ADAMTS10: variants seen among roughly 807,000 people sequenced by gnomAD.
The protein encoded by ADAMTS10 is ADAM metallopeptidase with thrombospondin type 1 motif 10.
In ADAMTS10, 48 loss-of-function variants were observed where a neutral mutation model predicts 135.9. That is an observed-to-expected ratio of 0.35 (90% confidence interval 0.28 to 0.45). The LOEUF is 0.45. Among genes scored for constraint, ADAMTS10 ranks in the 20% least tolerant of loss-of-function variants. The pLI is 1.00. For missense variants in ADAMTS10, 1,131 were observed against 1,565.2 expected (o/e 0.72, Z 4.68); for synonymous variants, 621 against 647.5 (o/e 0.96, Z 0.62).
At chr19:8,597,343 C>T (rs544778617) in intron 6 of ADAMTS10, 26 bp from the exon 7 acceptor site, 11 of 1,607,244 alleles carry the variant, frequency 6.8e-6, no homozygotes, top group South Asian at 4.4e-5. Context: ...CAAGAGAGAC[C>T]GAGTCTTAAG....
chr19:8,609,685 G>C (rs1043135640), intron 1 of ADAMTS10, among the ~76,000 whole-genome samples: 2 of 152,086 alleles, frequency 1.3e-5, no homozygotes, highest in Non-Finnish European at 2.9e-5. Flanking sequence ...AAGGCCCTGA[G>C]CCCGACCGCT....
rs782819511 is a variant in ADAMTS10, at chr19:8,586,606, G to A, written c.2355C>T (p.Val785=). Residue 785 remains valine (V), a synonymous_variant, in exon 20 of 26, where the codon GTC becomes GTT. Coordinates refer to ENST00000597188, the MANE Select transcript of ADAMTS10 (RefSeq NM_030957.4). ...TFQLRQGPDQ[V]QSLEALGPIN... is the part of the protein sequence containing the mutation. ...TCGGTCCCAGGGCTTCGAGGCTCTGGACCTGGTCTGGCCCCTGTCGCAGTT... is the reference window on the plus strand; with the variant it reads ...TCGGTCCCAGGGCTTCGAGGCTCTGAACCTGGTCTGGCCCCTGTCGCAGTT... 1 of 1,614,076 alleles carries A rather than the reference G, an allele frequency of 6.2e-7. No homozygotes were observed. Among genetic ancestry groups the A allele is most frequent in the South Asian group, 1.1e-5 (1 of 91,086 alleles).
Position 8,585,611 on chromosome 19 carries a change from C to G in ADAMTS10, c.2710G>C (p.Val904Leu), listed in dbSNP as rs781838030. 4 of 1,611,482 alleles carry G rather than the reference C, an allele frequency of 2.5e-6. No individual in the cohort carries two copies. Among genetic ancestry groups the G allele is most frequent in the Non-Finnish European group, 2.5e-6 (3 of 1,179,540 alleles). Reference sequence around the variant, plus strand: ...TGGCACACGACCGAGCGGCTGCGCACGCCTGCATCGCAGCTGCGGCTGCAG... The same window carrying G: ...TGGCACACGACCGAGCGGCTGCGCAGGCCTGCATCGCAGCTGCGGCTGCAG... Reference protein sequence around the residue: ...SLCSRSCDAGVRSRSVVCQRR... With the variant: ...SLCSRSCDAGLRSRSVVCQRR... Residue 904 changes from valine (V) to leucine (L), a missense_variant, in exon 23 of 26, where the codon GTG becomes CTG. By Grantham distance (32) the Val-to-Leu change is conservative. This residue lies in a region of ADAMTS10 where 745 missense variants were observed against 1,056.3 expected (regional missense o/e 0.71). Coordinates refer to ENST00000597188, the MANE Select transcript of ADAMTS10 (RefSeq NM_030957.4).
chr19:8,600,930 T>C lies in ADAMTS10; in HGVS notation c.808A>G (p.Ile270Val). 6.2e-7 allele frequency: 1 copy of C among 1,614,096 alleles called. No individual in the cohort carries two copies. The highest frequency in any genetic ancestry group is 8.5e-7 in the Non-Finnish European group (1 of 1,180,038). Residue 270 changes from isoleucine to valine, a missense_variant and splice_region_variant, in exon 6 of 26, where the codon ATT becomes GTT. Transcript: ENST00000597188. The stretch of plus-strand genomic sequence containing the variant: ...CCCAGGGAGGGGAAGGCACTTACAA[T>C]GTTCATGATGGCCAGGACATACTGC... Reference protein sequence around the residue: ...VEQYVLAIMNIVAKLFQDSSL... With the variant: ...VEQYVLAIMNVVAKLFQDSSL...
chr19:8,589,607 C>T, intron 16 of ADAMTS10, 22 bp from the exon 17 acceptor site: 15 of 1,612,974 alleles, frequency 9.3e-6, no homozygotes, highest in African/African-American at 1.3e-5. Flanking sequence ...GGCCCCGTCA[C>T]ACCACGGGCC....
rs1360278905 is a variant in ADAMTS10, at chr19:8,580,835, C to G, written c.*58G>C. Reference sequence around the variant, plus strand: ...CCCCCGGGGCCCCCTCTGGCCGGCCCGCTGCAGGGCTGGCGGCGGAGACCC... The same window carrying G: ...CCCCCGGGGCCCCCTCTGGCCGGCCGGCTGCAGGGCTGGCGGCGGAGACCC... On this transcript the variant is annotated 3_prime_UTR_variant, in exon 26 of 26. Transcript: ENST00000597188. The G allele has an allele frequency of 3.5e-6, 5 of 1,438,066 alleles. No individual in the cohort carries two copies. The highest frequency in any genetic ancestry group is 3.8e-6 in the Non-Finnish European group (4 of 1,050,210). 89.1% of individuals were successfully genotyped at this position (1,438,066 alleles called of 1,614,324 possible).
At chr19:8,589,216 G>T in intron 18 of ADAMTS10, 26 bp downstream of exon 18, 1 of 1,611,942 alleles carries the variant, frequency 6.2e-7, no homozygotes. Flanking sequence ...TGCAGGGAGT[G>T]TGGGAGGGAA....
At chr19:8,587,956 T>G (rs929110144) in intron 18 of ADAMTS10, among the ~76,000 whole-genome samples, 2 of 150,808 alleles carry the variant, frequency 1.3e-5, no homozygotes, top group Non-Finnish European at 3.0e-5. Flanking sequence ...AAAAAGAATT[T>G]TGTAGAGTTT....
chr19:8,607,454 A>G (rs1198397499), intron 2 of ADAMTS10, among the ~76,000 whole-genome samples: 3 of 152,106 alleles, frequency 2.0e-5, no homozygotes, highest in African/African-American at 7.2e-5. Flanking sequence ...GCCCCAGGCC[A>G]GCCTGCCGCA....
chr19:8,596,800 A>C lies in ADAMTS10; in HGVS notation c.1040+187T>G, dbSNP rs1358261381. ...AAGTGAATGAGGGCATCGGTGCCCAAATGGTCCCAAACCTCCCTTACCCAT... is the reference window on the plus strand; with the variant it reads ...AAGTGAATGAGGGCATCGGTGCCCACATGGTCCCAAACCTCCCTTACCCAT... On this transcript the variant is annotated intron_variant, in intron 8 of 25. Coordinates refer to ENST00000597188, the MANE Select transcript of ADAMTS10 (RefSeq NM_030957.4). The surrounding 1 kb of genome is among the most constrained non-coding windows in gnomAD (Gnocchi z 7.2). 1.3e-5 allele frequency among the ~76,000 whole-genome samples: 2 copies of C among 152,098 alleles called. No individual in the cohort carries two copies. Among genetic ancestry groups the C allele is most frequent in the African/African-American group, 4.8e-5 (2 of 41,408 alleles).
At chr19:8,600,709 A>G (rs557232889) in intron 6 of ADAMTS10, among the ~76,000 whole-genome samples, 48 of 152,056 alleles carry the variant, frequency 3.2e-4, no homozygotes, top group African/African-American at 1.1e-3. Context: ...CGTGTTAGCC[A>G]GGATGGTCTC....
intron 17 of ADAMTS10, 28 bp from the exon 18 acceptor site, chr19:8,589,393 A>ACCCCCCAAACCCCCCCCCC: frequency 6.2e-7 from 1 of 1,601,692 alleles, no homozygotes; most frequent in Non-Finnish European, 8.5e-7. Flanking sequence ...GAGTGAGGCG[A>ACCCCCCAAACCCCCCCCCC]CCCCCTAACC....
intron 6 of ADAMTS10, 26 bp downstream of exon 6, chr19:8,600,902 G>C: frequency 6.2e-7 from 1 of 1,613,478 alleles, no homozygotes. Flanking sequence ...TCAGGGCTGC[G>C]TGCCCAGGGA....
chr19:8,588,732 C>T (rs2042473965), intron 18 of ADAMTS10, among the ~76,000 whole-genome samples: 1 of 152,108 alleles, frequency 6.6e-6, no homozygotes, highest in South Asian at 2.1e-4. Context: ...TGCTTCCACC[C>T]AGACGTGGCA....
At chr19:8,585,084 C>T in intron 24 of ADAMTS10, 30 bp from the exon 25 acceptor site, 1 of 1,502,838 alleles carries the variant, frequency 6.7e-7, no homozygotes. Context: ...AGTTGCTGCC[C>T]CGCAGCCCCT....
At chr19:8,586,965 G>A (rs540887718) in intron 18 of ADAMTS10, 69 bp from the exon 19 acceptor site, 34 of 1,507,958 alleles carry the variant, frequency 2.3e-5, no homozygotes, top group Admixed American at 3.4e-5. Context: ...CCCTGTCCCC[G>A]GCCCATGAGG....
chr19:8,599,496 A>G (rs1433260999), intron 6 of ADAMTS10, among the ~76,000 whole-genome samples: 10 of 151,676 alleles, frequency 6.6e-5, no homozygotes, highest in African/African-American at 2.4e-4. Context: ...ACGCTCAGCT[A>G]ATTTTTGTAT....
At chr19:8,610,000 CAG>C (rs1161376023) in intron 1 of ADAMTS10, among the ~76,000 whole-genome samples, 2 of 151,910 alleles carry the variant, frequency 1.3e-5, no homozygotes, top group African/African-American at 2.4e-5. Flanking sequence ...CGGGACAAGA[CAG>C]AGAAACACGC....
intron 25 of ADAMTS10, 74 bp from the exon 26 acceptor site, chr19:8,581,076 A>G: frequency 1.1e-6 from 1 of 900,184 alleles, no homozygotes; most frequent in South Asian, 1.4e-5. Flanking sequence ...CACGACCTGC[A>G]GTGCTTCCTG....
Sources: gnomAD v4.1 joint callset for allele counts (sites outside exome capture counted in the v4.1 genomes callset) on GRCh38, gnomAD v4.1.1 for gene constraint, gnomAD v4.1.1 regional missense constraint, Gnocchi (gnomAD v3.1) non-coding constraint, MANE v1.5 for transcripts, NCBI Gene and HGNC (gene_info 2026-07-23, HGNC 2026-07-21) for gene names.